Variants in B4GALNT3 observed in about 807,000 individuals in gnomAD.
B4GALNT3 encodes beta-1,4-N-acetylgalactosaminyltransferase 3.
Under a neutral mutation model 120.2 loss-of-function variants are expected in B4GALNT3, and 86 were observed. The observed-to-expected ratio is 0.72, with a 90% CI of 0.60 to 0.86. The LOEUF (loss-of-function observed/expected upper bound fraction) is 0.86, where lower values mean the gene tolerates loss of function less well. B4GALNT3 is among the 40% of genes least tolerant of loss of function. The pLI, the probability that B4GALNT3 is intolerant of heterozygous loss-of-function variation, is 0.00. For synonymous variants in B4GALNT3, 518 were observed against 510.4 expected (o/e 1.01, Z -0.20); for missense variants, 1,167 against 1,298.9 (o/e 0.90, Z 1.56).
At chr12:514,805 G>A (rs908867083) in intron 1 of B4GALNT3, among the ~76,000 whole-genome samples, 1 of 151,996 alleles carries the variant, frequency 6.6e-6, no homozygotes, top group African/African-American at 2.4e-5. Flanking sequence ...AAGGCGGGCA[G>A]ATCACCTGAG....
intron 14 of B4GALNT3, among the ~76,000 whole-genome samples, chr12:555,114 G>A (rs574269444): frequency 1.5e-4 from 23 of 151,482 alleles, no homozygotes; most frequent in Admixed American, 3.3e-4. Flanking sequence ...GGAGGTGGAG[G>A]TTGTAGTGAG....
chr12:468,842 G>T (rs539760872), intron 1 of B4GALNT3, among the ~76,000 whole-genome samples: 6 of 152,294 alleles, frequency 3.9e-5, no homozygotes, highest in African/African-American at 1.4e-4. Flanking sequence ...GAGGCTATGT[G>T]TGTGTCTCAC....
At chr12:502,648 T>C (rs1946456481) in intron 1 of B4GALNT3, among the ~76,000 whole-genome samples, 1 of 152,182 alleles carries the variant, frequency 6.6e-6, no homozygotes, top group African/African-American at 2.4e-5. Context: ...TGGAAGGCAG[T>C]GAGTGGTGTT....
chr12:490,177 G>A (rs1946327702), intron 1 of B4GALNT3, among the ~76,000 whole-genome samples: 1 of 151,962 alleles, frequency 6.6e-6, no homozygotes, highest in South Asian at 2.1e-4. Flanking sequence ...AATGACCTAA[G>A]CTTCTACCTT....
intron 1 of B4GALNT3, among the ~76,000 whole-genome samples, chr12:462,303 T>G (rs1946029626): frequency 6.6e-6 from 1 of 151,580 alleles, no homozygotes; most frequent in Admixed American, 6.6e-5. Context: ...AGAAAGGCAG[T>G]TGCTTTGTGA....
intron 1 of B4GALNT3, among the ~76,000 whole-genome samples, chr12:463,994 A>G (rs889791184): frequency 6.6e-6 from 1 of 152,174 alleles, no homozygotes; most frequent in Non-Finnish European, 1.5e-5. Context: ...GGGTAACAAT[A>G]CTTTTGGTGT....
At chr12:478,663 A>G (rs377413745) in intron 1 of B4GALNT3, among the ~76,000 whole-genome samples, 1 of 152,224 alleles carries the variant, frequency 6.6e-6, no homozygotes, top group Non-Finnish European at 1.5e-5. Flanking sequence ...GGGTTTTTCT[A>G]TCTTTTTCTG....
intron 14 of B4GALNT3, chr12:555,282 CTT>C (rs957237371): frequency 1.6e-5 from 7 of 451,170 alleles, no homozygotes; most frequent in African/African-American, 1.4e-4. Flanking sequence ...AACTACTTTC[CTT>C]TCTAGCTCTG....
chr12:488,149 G>GAA (rs200210120), intron 1 of B4GALNT3, among the ~76,000 whole-genome samples: 2 of 127,576 alleles, frequency 1.6e-5, no homozygotes, highest in African/African-American at 2.8e-5. Flanking sequence ...CTGAGAAGAA[G>GAA]AAAAAAAAAA....
intron 1 of B4GALNT3, among the ~76,000 whole-genome samples, chr12:514,198 G>GT (rs56697824): frequency 0.1 from 12,302 of 117,836 alleles, 683 homozygotes; most frequent in East Asian, 0.15. Flanking sequence ...GTCCGTTTTT[G>GT]TTTTTTTTTT....
chr12:525,709 A>G (rs890118084), intron 1 of B4GALNT3, among the ~76,000 whole-genome samples: 2 of 152,222 alleles, frequency 1.3e-5, no homozygotes, highest in Non-Finnish European at 2.9e-5. Context: ...AATAGGAGGA[A>G]GAGCACAGGC....
rs924334981 is a variant in B4GALNT3 at position 489,038 on chromosome 12, C to T, written c.169+28493C>T. Among the ~76,000 whole-genome samples the T allele has an allele frequency of 7.2e-5, 11 of 151,876 alleles. No homozygotes were observed. The East Asian group carries it at 7.7e-4, about 11-fold the overall frequency. On this transcript the variant is annotated intron_variant, in intron 1 of 19. Transcript: ENST00000266383. The stretch of plus-strand genomic sequence containing the variant: ...CAGGGACATGGATGAAGCTGGAAAC[C>T]GTCATTTTCAGCAAACTAACACAGG...
At chr12:520,645 G>GCTCAGTAGTT (rs1395325944) in intron 1 of B4GALNT3, among the ~76,000 whole-genome samples, 2 of 152,120 alleles carry the variant, frequency 1.3e-5, no homozygotes, top group African/African-American at 2.4e-5. Flanking sequence ...TTATGGGATT[G>GCTCAGTAGTT]TGACTAATAG....
intron 1 of B4GALNT3, among the ~76,000 whole-genome samples, chr12:500,872 T>TTTTTATTTTTTA (rs1946434927): frequency 7.9e-6 from 1 of 126,288 alleles, no homozygotes; most frequent in Non-Finnish European, 1.7e-5. Flanking sequence ...CTGCTTTTTT[T>TTTTTATTTTTTA]TTTTTTTTTT....
chr12:514,956 G>A (rs1946638225), intron 1 of B4GALNT3, among the ~76,000 whole-genome samples: 1 of 152,058 alleles, frequency 6.6e-6, no homozygotes, highest in African/African-American at 2.4e-5. Context: ...TTGAACCTGG[G>A]AGGTGGAGTC....
intron 14 of B4GALNT3, 101 bp from the exon 15 acceptor site, chr12:556,446 C>T: frequency 8.2e-7 from 1 of 1,213,596 alleles, no homozygotes; most frequent in Non-Finnish European, 1.2e-6. Flanking sequence ...AGGACAAAAA[C>T]CAGGGTCTCC....
intron 1 of B4GALNT3, among the ~76,000 whole-genome samples, chr12:461,484 C>T (rs1451747110): frequency 6.6e-6 from 1 of 152,194 alleles, no homozygotes; most frequent in Non-Finnish European, 1.5e-5. Context: ...GTAAAAGATC[C>T]TGTAATAGTT....
rs2120704172 is a variant in B4GALNT3, at chr12:546,902, CTG to C, written c.707+190_707+191del. 6.6e-6 allele frequency: 4 copies of C among 609,934 alleles called. No homozygotes were observed. In the East Asian group the frequency reaches 1.1e-4, roughly 17 times the overall value. The allele number at this position is 609,934 out of a possible 1,614,324, so 37.8% of individuals were successfully genotyped here. On this transcript the variant is annotated intron_variant, in intron 7 of 19. Transcript: ENST00000266383. ...CGTCCTCGTTTCACAGATGGGGAAACTGAGGCCCAGAAGGCCGTGACTTATTG... is the reference window on the plus strand; with the variant it reads ...CGTCCTCGTTTCACAGATGGGGAAACAGGCCCAGAAGGCCGTGACTTATTG...
chr12:467,429 T>G (rs554620816), intron 1 of B4GALNT3, among the ~76,000 whole-genome samples: 1 of 152,102 alleles, frequency 6.6e-6, no homozygotes, highest in South Asian at 2.1e-4. Context: ...TGTGGTGGTG[T>G]GTGCCTGTAG....
Sources: allele counts gnomAD v4.1 joint callset (sites outside exome capture counted in the v4.1 genomes callset), GRCh38; gene constraint gnomAD v4.1.1; transcripts MANE v1.5; gene names NCBI Gene and HGNC (gene_info 2026-07-23, HGNC 2026-07-21).